The following RBFOX2 variants were observed in gnomAD, a reference collection of about 807,000 sequenced individuals.
The protein encoded by RBFOX2 is RNA binding fox-1 homolog 2.
RBFOX2 carries 10 observed loss-of-function variants against 49.1 expected under a neutral mutation model. That is an observed-to-expected ratio of 0.20 (90% confidence interval 0.13 to 0.35). The LOEUF is 0.35. RBFOX2 is among the 10% of genes least tolerant of loss of function. The pLI is 1.00. For synonymous variants in RBFOX2, 183 were observed against 187.4 expected, an observed-to-expected ratio of 0.98 and a Z score of 0.19; for missense variants, 323 against 486.9, an observed-to-expected ratio of 0.66 and a Z score of 3.17.
At chr22:36,010,636 A>C (rs1212044490) in intron 1 of RBFOX2, among the ~76,000 whole-genome samples, 1 of 152,074 alleles carries the variant, frequency 6.6e-6, no homozygotes, top group Non-Finnish European at 1.5e-5. Context: ...TCATATCTTT[A>C]AATGTGGAAG....
chr22:35,824,947 C>T (rs899535181), intron 1 of RBFOX2, among the ~76,000 whole-genome samples: 8 of 152,226 alleles, frequency 5.3e-5, no homozygotes, highest in Non-Finnish European at 8.8e-5. Flanking sequence ...AGGCCTGGCA[C>T]GGTGGCTCCC....
intron 1 of RBFOX2, among the ~76,000 whole-genome samples, chr22:35,867,754 A>C (rs1318111374): frequency 6.6e-6 from 1 of 152,220 alleles, no homozygotes; most frequent in African/African-American, 2.4e-5. Flanking sequence ...CAGTTCTACA[A>C]TTTAAAATTT....
At chr22:35,899,406 C>T (rs900870607) in intron 1 of RBFOX2, among the ~76,000 whole-genome samples, 1 of 151,692 alleles carries the variant, frequency 6.6e-6, no homozygotes, top group Non-Finnish European at 1.5e-5. Context: ...CTTTTCTGAT[C>T]ATAATCTTTA....
intron 1 of RBFOX2, among the ~76,000 whole-genome samples, chr22:35,946,869 T>C (rs911616402): frequency 1.3e-5 from 2 of 152,162 alleles, no homozygotes; most frequent in African/African-American, 4.8e-5. Flanking sequence ...CAACAACTGA[T>C]TGCATAAACA....
chr22:35,861,671 T>C (rs917727309), intron 1 of RBFOX2, among the ~76,000 whole-genome samples: 5 of 152,174 alleles, frequency 3.3e-5, no homozygotes, highest in African/African-American at 4.8e-5. Flanking sequence ...ACCGAAAGTC[T>C]CATATGCTGC....
chr22:35,887,097 A>ATATATATTTATATATTTT, intron 1 of RBFOX2, among the ~76,000 whole-genome samples: 1 of 152,354 alleles, frequency 6.6e-6, no homozygotes, highest in Admixed American at 6.5e-5. Context: ...TATATTTTAC[A>ATATATATTTATATATTTT]ACAACAAAAT....
intron 1 of RBFOX2, among the ~76,000 whole-genome samples, chr22:35,924,926 CA>C (rs1226089409): frequency 6.6e-6 from 1 of 152,172 alleles, no homozygotes; most frequent in Non-Finnish European, 1.5e-5. Flanking sequence ...GTAATCCCAG[CA>C]CTCTGGGAAG....
chr22:35,941,243 A>T (rs2053657546), upstream of RBFOX2, among the ~76,000 whole-genome samples: 1 of 152,090 alleles, frequency 6.6e-6, no homozygotes, highest in Non-Finnish European at 1.5e-5. Context: ...TTTGTTCTGG[A>T]TTCTATAAAT....
chr22:35,754,934 C>T (rs1457573539), intron 9 of RBFOX2, among the ~76,000 whole-genome samples: 3 of 152,164 alleles, frequency 2.0e-5, no homozygotes, highest in Admixed American at 1.3e-4. Flanking sequence ...CCTTACAGGC[C>T]TATGCTAAGT....
upstream of RBFOX2, among the ~76,000 whole-genome samples, chr22:35,965,319 C>A (rs942625963): frequency 5.9e-5 from 9 of 152,154 alleles, no homozygotes; most frequent in African/African-American, 2.2e-4. Flanking sequence ...GAAGGCAAGG[C>A]AACATCTTTT....
intron 1 of RBFOX2, among the ~76,000 whole-genome samples, chr22:35,814,710 CAAAA>C (rs55971445): frequency 3.2e-5 from 1 of 31,028 alleles, no homozygotes; most frequent in Non-Finnish European, 6.3e-5. Flanking sequence ...AACCCTGTCT[CAAAA>C]AAAAAAAAAA....
chr22:35,857,105 T>C (rs888190438), intron 1 of RBFOX2, among the ~76,000 whole-genome samples: 1 of 152,142 alleles, frequency 6.6e-6, no homozygotes, highest in Non-Finnish European at 1.5e-5. Flanking sequence ...TACTTGACTA[T>C]GGGTAGGTGG....
rs141560944 is a variant in RBFOX2, at chr22:35,759,980, G to A, written c.795C>T (p.Ala265=). Reference sequence around the variant, plus strand: ...CCCTCAAATGGGCTCCTCTGAAAGCGGCTGCCGTGGTGGCTGCAGTAGGGT... The same window carrying A: ...CCCTCAAATGGGCTCCTCTGAAAGCAGCTGCCGTGGTGGCTGCAGTAGGGT... The change falls in exon 9 of 12, where the codon GCC becomes GCT. Residue 265 remains alanine (A), a synonymous_variant. Transcript: ENST00000405409. This position sits in a 1 kb window ranked among gnomAD's most constrained non-coding sequence, Gnocchi z 4.6. 129 of 1,613,864 alleles carry A rather than the reference G, an allele frequency of 8.0e-5. No homozygotes were observed. In the African/African-American group the frequency reaches 1.2e-3, roughly 15 times the overall value.
intron 1 of RBFOX2, among the ~76,000 whole-genome samples, chr22:35,944,800 C>G (rs5756007): frequency 0.23 from 34,456 of 151,970 alleles, 6,181 homozygotes; most frequent in African/African-American, 0.5. Context: ...ATCTGGCCAG[C>G]CGCGGCGGCT....
At chr22:35,740,808 G>C (rs564197057) in exon 12 of RBFOX2, 1 of 152,160 alleles carries the variant, frequency 6.6e-6, no homozygotes, top group Non-Finnish European at 1.5e-5. Flanking sequence ...CTCATGTCTG[G>C]AAGCTATATA....
chr22:35,754,206 A>C (rs1936129794), intron 9 of RBFOX2, among the ~76,000 whole-genome samples: 1 of 146,744 alleles, frequency 6.8e-6, no homozygotes, highest in Non-Finnish European at 1.5e-5. Context: ...ATTCTCCTAC[A>C]TCAGCCTCCC....
At chr22:35,771,362 A>G (rs1942630547) in intron 4 of RBFOX2, among the ~76,000 whole-genome samples, 1 of 152,178 alleles carries the variant, frequency 6.6e-6, no homozygotes, top group Non-Finnish European at 1.5e-5. Flanking sequence ...GACAGAAGGG[A>G]GCTATAGTCC....
chr22:35,923,643 C>T (rs1364231089), intron 1 of RBFOX2, among the ~76,000 whole-genome samples: 1 of 152,168 alleles, frequency 6.6e-6, no homozygotes, highest in African/African-American at 2.4e-5. Flanking sequence ...CTTATTACCA[C>T]CCTTGGCAAA....
chr22:35,824,344 C>T (rs1474163874), intron 1 of RBFOX2: 1 of 152,160 alleles, frequency 6.6e-6, no homozygotes, highest in Non-Finnish European at 1.5e-5. Flanking sequence ...AATTTTTCAT[C>T]TCCCTCCTTC....
Sources: allele counts gnomAD v4.1 joint callset (sites outside exome capture counted in the v4.1 genomes callset), GRCh38; gene constraint gnomAD v4.1.1; non-coding constraint Gnocchi (gnomAD v3.1); transcripts MANE v1.5; gene names NCBI Gene and HGNC (gene_info 2026-07-23, HGNC 2026-07-21).